The following CD109 variants were observed in gnomAD, a reference collection of about 807,000 sequenced individuals.
The protein encoded by CD109 is CD109 molecule.
In CD109, 149 loss-of-function variants were observed where a neutral mutation model predicts 165.8. The observed-to-expected ratio is 0.90, with a 90% CI of 0.79 to 1.03. The LOEUF (loss-of-function observed/expected upper bound fraction) is 1.03, where lower values mean the gene tolerates loss of function less well. Ranked by LOEUF, CD109 falls within the 50% of genes least tolerant of loss-of-function variation. The pLI is 0.00. For missense variants in CD109, 1,712 were observed against 1,677.8 expected, an observed-to-expected ratio of 1.02 and a Z score of -0.36; for synonymous variants, 585 against 592.1, an observed-to-expected ratio of 0.99 and a Z score of 0.18.
intron 25 of CD109, 133 bp downstream of exon 25, chr6:73,807,205 CTT>C (rs1327294736): frequency 3.0e-6 from 2 of 668,230 alleles, no homozygotes; most frequent in Non-Finnish European, 5.1e-6. Flanking sequence ...TTTGAGTACT[CTT>C]TTGCTTTGCA....
intron 5 of CD109, among the ~76,000 whole-genome samples, chr6:73,739,174 T>A (rs992755131): frequency 6.6e-6 from 1 of 152,210 alleles, no homozygotes; most frequent in African/African-American, 2.4e-5. Flanking sequence ...CTATAAAGCA[T>A]CTTTATCTTT....
At chr6:73,806,146 A>T (rs1272890772) in intron 24 of CD109, among the ~76,000 whole-genome samples, 2 of 152,218 alleles carry the variant, frequency 1.3e-5, no homozygotes, top group East Asian at 3.8e-4. Flanking sequence ...GATTAAGAAA[A>T]TGTGGCACAT....
At chr6:73,684,227 T>A in the CD109 span, among the ~76,000 whole-genome samples, 1 of 151,210 alleles carries the variant, frequency 6.6e-6, no homozygotes, top group Admixed American at 6.6e-5. Flanking sequence ...CTTTCTTTTT[T>A]TTTTTTTTTT....
At chr6:73,808,805 GGTGTGTGT>G (rs10552233) in intron 26 of CD109, among the ~76,000 whole-genome samples, 2,860 of 145,938 alleles carry the variant, frequency 0.02, 41 homozygotes, top group African/African-American at 0.04. Context: ...CAGGGATCCA[GGTGTGTGT>G]GTGTGTGTGT....
chr6:73,736,489 C>A lies in CD109; in HGVS notation c.614C>A (p.Ser205Tyr). 6.2e-7 allele frequency: 1 copy of A among 1,612,244 alleles called. No individual in the cohort carries two copies. Among genetic ancestry groups the A allele is most frequent in the Non-Finnish European group, 8.5e-7 (1 of 1,179,250 alleles). The stretch of plus-strand genomic sequence containing the variant: ...TCCCATCCAATACTTGGTGACTGGT[C>A]TATTCAAGTTCAAGTGAATGTGAGT... ...LSSHPILGDW[S>Y]IQVQVNDQTY... The change falls in exon 5 of 33, where the codon TCT becomes TAT. Residue 205 changes from serine (S) to tyrosine (Y), a missense_variant. Ser to Tyr is a moderately radical substitution (Grantham distance 144). Transcript: ENST00000287097.
At chr6:73,779,172 C>T (rs72957325) in intron 15 of CD109, among the ~76,000 whole-genome samples, 3,756 of 152,016 alleles carry the variant, frequency 0.025, 73 homozygotes, top group East Asian at 0.043. Context: ...ATAATATTTG[C>T]CCTTTTGTGT....
At chr6:73,770,969 C>G (rs1774011899) in intron 14 of CD109, among the ~76,000 whole-genome samples, 1 of 152,156 alleles carries the variant, frequency 6.6e-6, no homozygotes, top group African/African-American at 2.4e-5. Context: ...AAAGGCCACC[C>G]CTCACCCTCA....
intron 2 of CD109, among the ~76,000 whole-genome samples, chr6:73,702,396 A>C (rs1771117263): frequency 6.6e-6 from 1 of 152,234 alleles, no homozygotes; most frequent in African/African-American, 2.4e-5. Flanking sequence ...GATAAAAATC[A>C]GTCCCATGGT....
Position 73,819,009 on chromosome 6 carries a change from A to AT in CD109, c.4059+480dup, listed in dbSNP as rs559411766. ...ACCATGCCTAGATAATTTCATGAGAATTTTTTGTGGAGATAGGGTCTCATT... is the reference window on the plus strand; with the variant it reads ...ACCATGCCTAGATAATTTCATGAGAATTTTTTTGTGGAGATAGGGTCTCATT... On this transcript the variant is annotated intron_variant, in intron 31 of 32. Transcript: ENST00000287097. Among the ~76,000 whole-genome samples, 330 of 152,144 alleles carry AT rather than the reference A, an allele frequency of 2.2e-3. 1 individual carries two copies. Among genetic ancestry groups the AT allele is most frequent in the African/African-American group, 7.7e-3 (319 of 41,510 alleles).
At chr6:73,679,379 T>A in the CD109 span, among the ~76,000 whole-genome samples, 1 of 152,056 alleles carries the variant, frequency 6.6e-6, no homozygotes, top group African/African-American at 2.4e-5. Flanking sequence ...ATTGTTAATA[T>A]AAATTTTGGA....
chr6:73,781,412 A>G (rs768411581), intron 17 of CD109, 93 bp downstream of exon 17: 10 of 1,102,966 alleles, frequency 9.1e-6, no homozygotes, highest in Non-Finnish European at 1.4e-5. Flanking sequence ...ATGAACATAG[A>G]GATTGTGATT....
intron 20 of CD109, 81 bp downstream of exon 20, chr6:73,785,558 T>A: frequency 1.4e-6 from 1 of 712,574 alleles, no homozygotes; most frequent in Non-Finnish European, 2.3e-6. Flanking sequence ...TTGTGTAGTA[T>A]CTGGGCATTT....
intron 23 of CD109, among the ~76,000 whole-genome samples, chr6:73,793,943 T>C (rs1162265903): frequency 6.6e-6 from 1 of 152,228 alleles, no homozygotes; most frequent in Non-Finnish European, 1.5e-5. Flanking sequence ...TTTGTTTTTT[T>C]ATAACAAATG....
At chr6:73,733,940 C>T (rs35893900) in intron 4 of CD109, among the ~76,000 whole-genome samples, 12,711 of 152,034 alleles carry the variant, frequency 0.084, 681 homozygotes, top group South Asian at 0.14. Context: ...AGATCCAGAG[C>T]GATCTAAAGG....
chr6:73,724,802 A>G (rs762055151), intron 3 of CD109, among the ~76,000 whole-genome samples: 3 of 151,848 alleles, frequency 2.0e-5, no homozygotes, highest in East Asian at 1.9e-4. Flanking sequence ...AGGTTTCCCT[A>G]TGTTGCCCAG....
At chr6:73,689,694 C>T in the CD109 span, among the ~76,000 whole-genome samples, 3 of 151,688 alleles carry the variant, frequency 2.0e-5, no homozygotes, top group African/African-American at 7.3e-5. Flanking sequence ...CCCTCTTTGA[C>T]TTTGTAAGTT....
chr6:73,770,406 T>C (rs138745209), intron 14 of CD109, among the ~76,000 whole-genome samples: 1 of 152,302 alleles, frequency 6.6e-6, no homozygotes, highest in Non-Finnish European at 1.5e-5. Flanking sequence ...GGCATTATAA[T>C]CATTGGCACA....
In CD109 at chr6:73,818,514, A is replaced by C; in HGVS notation, c.4038A>C (p.Lys1346Asn). Residue 1346 changes from lysine to asparagine, a missense_variant, in exon 31 of 33, where the codon AAA (lysine) becomes AAC (asparagine). Transcript: ENST00000287097. ...TVKKVEYDHG[K>N]LNLYLDSVNE... ...AGAAAGTGGAATATGATCATGGAAA[A>C]CTCAACCTCTATTTAGATTCTGTAA... 6.2e-7 allele frequency: 1 copy of C among 1,612,676 alleles called. No individual in the cohort carries two copies. Among genetic ancestry groups the C allele is most frequent in the Non-Finnish European group, 8.5e-7 (1 of 1,179,680 alleles).
Position 73,697,380 on chromosome 6 carries a change from C to T in CD109, c.75-20C>T, listed in dbSNP as rs751297254. On this transcript the variant is annotated intron_variant, in intron 1 of 32. Coordinates refer to ENST00000287097, the MANE Select transcript of CD109 (RefSeq NM_133493.5). ...GTGAGGATAAGAAACTTTGTTTTTCCCTTGTTGGGAACTCTTTAGGCCTCG... is the reference window on the plus strand; with the variant it reads ...GTGAGGATAAGAAACTTTGTTTTTCTCTTGTTGGGAACTCTTTAGGCCTCG... 1 of 1,604,360 alleles carries T rather than the reference C, an allele frequency of 6.2e-7. No individual in the cohort carries two copies. Among genetic ancestry groups the T allele is most frequent in the Non-Finnish European group, 8.5e-7 (1 of 1,175,710 alleles).
Sources: allele counts gnomAD v4.1 joint callset (sites outside exome capture counted in the v4.1 genomes callset), GRCh38; gene constraint gnomAD v4.1.1; transcripts MANE v1.5; gene names NCBI Gene and HGNC (gene_info 2026-07-23, HGNC 2026-07-21).